The following ADAM32 variants were observed in gnomAD, a reference collection of about 807,000 sequenced individuals.
ADAM32 encodes the protein disintegrin and metalloproteinase domain-containing protein 32.
ADAM32 carries 89 observed loss-of-function variants against 114.9 expected under a neutral mutation model. The ratio of observed to expected loss-of-function variants is 0.77; its 90% CI spans 0.65 to 0.92. The LOEUF (loss-of-function observed/expected upper bound fraction) is 0.92. ADAM32 is among the 40% of genes least tolerant of loss of function. ADAM32 has a pLI of 0.00. For missense variants in ADAM32, 870 were observed against 932.8 expected (o/e 0.93, Z 0.88); for synonymous variants, 285 against 307.5 (o/e 0.93, Z 0.77).
In ADAM32 at chr8:39,107,820, G is replaced by A; in HGVS notation, c.45G>A (p.Leu15=). The A allele has an allele frequency of 6.5e-7, 1 of 1,547,518 alleles. No individual in the cohort carries two copies. Among genetic ancestry groups the A allele is most frequent in the Non-Finnish European group, 8.7e-7 (1 of 1,145,444 alleles). ...TGCTGGCCGGGCTCTGCGGCCTCCT[G>A]GCGTCAAGACCCGGTGAGCCAGCCC... ...WLLLAGLCGL[L]ASRPGFQNSL... Residue 15 remains leucine, a synonymous_variant, in exon 1 of 25, where the codon CTG becomes CTA. Coordinates refer to ENST00000379907, the MANE Select transcript of ADAM32 (RefSeq NM_145004.7).
chr8:39,179,872 G>A (rs1286587409), intron 10 of ADAM32, among the ~76,000 whole-genome samples: 1 of 152,204 alleles, frequency 6.6e-6, no homozygotes, highest in East Asian at 1.9e-4. Flanking sequence ...GACTGTAGCT[G>A]CCTCTAATCA....
intron 10 of ADAM32, among the ~76,000 whole-genome samples, chr8:39,183,407 A>G (rs1806035903): frequency 6.6e-6 from 1 of 151,942 alleles, no homozygotes; most frequent in Non-Finnish European, 1.5e-5. Flanking sequence ...CATACCAGAA[A>G]CCTTAGGCCC....
intron 12 of ADAM32, among the ~76,000 whole-genome samples, chr8:39,212,696 T>A (rs1808309987): frequency 6.6e-6 from 1 of 152,206 alleles, no homozygotes. Flanking sequence ...TATATCACAA[T>A]CTGTTTTAAC....
rs764681125 is a variant in ADAM32, at chr8:39,246,189, G to A, written c.1902+23G>A. On this transcript the variant is annotated intron_variant, in intron 17 of 24. Transcript: ENST00000379907. The stretch of plus-strand genomic sequence containing the variant: ...GGAGTAAGTAACCACATGTTTCCCT[G>A]AATCACATTTCTTGGACACTTTTTT... 1.7e-5 allele frequency: 27 copies of A among 1,598,992 alleles called. No individual in the cohort carries two copies. The Admixed American group carries it at 4.5e-4, about 27-fold the overall frequency.
Position 39,176,452 on chromosome 8 carries a change from TC to T in ADAM32, c.915+6457del, listed in dbSNP as rs535217564. Among the ~76,000 whole-genome samples, 401 of 152,272 alleles carry T rather than the reference TC, an allele frequency of 2.6e-3. 1 individual carries two copies. Among genetic ancestry groups the T allele is most frequent in the Middle Eastern group, 0.017 (5 of 294 alleles). On this transcript the variant is annotated intron_variant, in intron 10 of 24. Coordinates refer to ENST00000379907, the MANE Select transcript of ADAM32 (RefSeq NM_145004.7). ...CTTAATTTCATTATTTACCCAGGAG[TC>T]CTTTGGGAGCAGGTTGTTCAATGCT...
At chr8:39,225,557 G>A (rs1809303163) in intron 14 of ADAM32, among the ~76,000 whole-genome samples, 1 of 152,116 alleles carries the variant, frequency 6.6e-6, no homozygotes, top group African/African-American at 2.4e-5. Flanking sequence ...TGACCTCCCT[G>A]GTGGGAGAAA....
At chr8:39,116,722 T>A (rs1483018957) in intron 1 of ADAM32, among the ~76,000 whole-genome samples, 2 of 152,146 alleles carry the variant, frequency 1.3e-5, no homozygotes, top group Admixed American at 1.3e-4. Flanking sequence ...TTCGGATGCC[T>A]TTTATTTCTT....
chr8:39,179,344 C>G (rs1805709744), intron 10 of ADAM32, among the ~76,000 whole-genome samples: 1 of 152,202 alleles, frequency 6.6e-6, no homozygotes, highest in Non-Finnish European at 1.5e-5. Context: ...GCTCGAATTC[C>G]AAGCCAGTGG....
chr8:39,172,289 A>G (rs951239617), intron 10 of ADAM32, among the ~76,000 whole-genome samples: 12 of 152,130 alleles, frequency 7.9e-5, no homozygotes, highest in African/African-American at 2.9e-4. Flanking sequence ...GTGTATATGA[A>G]TTGCAAACAT....
chr8:39,239,042 C>T (rs182467932), intron 16 of ADAM32, among the ~76,000 whole-genome samples: 27 of 152,158 alleles, frequency 1.8e-4, no homozygotes, highest in African/African-American at 6.3e-4. Flanking sequence ...CTAGAGATCT[C>T]GACTTCCAAA....
chr8:39,144,839 G>C (rs1047538504), intron 3 of ADAM32, among the ~76,000 whole-genome samples: 6 of 152,124 alleles, frequency 3.9e-5, no homozygotes, highest in Non-Finnish European at 7.4e-5. Context: ...TGAATAAAAG[G>C]CATCCTAATG....
chr8:39,151,691 T>TC (rs1803844249), intron 6 of ADAM32, 143 bp downstream of exon 6: 12 of 632,862 alleles, frequency 1.9e-5, no homozygotes, highest in East Asian at 1.0e-4. Context: ...TTTTTTTTTT[T>TC]CTCACTCTCT....
rs149349258 is a variant in ADAM32, at chr8:39,126,205, A to T, written c.138+8040A>T. On this transcript the variant is annotated intron_variant, in intron 2 of 24. Coordinates refer to ENST00000379907, the MANE Select transcript of ADAM32 (RefSeq NM_145004.7). Reference sequence around the variant, plus strand: ...TAAAATAGTTTTTCTAATTCTATGAAGAATGTCAATGGTAGTGTAATGGAA... The same window carrying T: ...TAAAATAGTTTTTCTAATTCTATGATGAATGTCAATGGTAGTGTAATGGAA... Among the ~76,000 whole-genome samples, 31 of 152,336 alleles carry T rather than the reference A, an allele frequency of 2.0e-4. No homozygotes were observed. The East Asian group carries it at 6.0e-3, about 29-fold the overall frequency.
intron 10 of ADAM32, among the ~76,000 whole-genome samples, chr8:39,185,767 C>T (rs1337580004): frequency 6.6e-6 from 1 of 152,136 alleles, no homozygotes; most frequent in African/African-American, 2.4e-5. Flanking sequence ...TATCCCCTTC[C>T]AGAGCAGTAC....
intron 2 of ADAM32, among the ~76,000 whole-genome samples, chr8:39,127,687 C>A (rs1357531023): frequency 6.6e-6 from 1 of 151,922 alleles, no homozygotes; most frequent in Non-Finnish European, 1.5e-5. Flanking sequence ...TTCAGTTCTG[C>A]CCTGATTTTG....
chr8:39,255,239 T>C (rs1043311325), intron 18 of ADAM32, among the ~76,000 whole-genome samples: 1 of 151,996 alleles, frequency 6.6e-6, no homozygotes, highest in Non-Finnish European at 1.5e-5. Context: ...TCTGGGTAGA[T>C]TTCCAATAGT....
intron 3 of ADAM32, among the ~76,000 whole-genome samples, chr8:39,143,224 A>C (rs1585391252): frequency 6.6e-6 from 1 of 152,134 alleles, no homozygotes. Flanking sequence ...CGTCAAACTC[A>C]TTCTCCGTCC....
At chr8:39,195,115 C>G (rs944999526) in intron 11 of ADAM32, among the ~76,000 whole-genome samples, 1 of 152,290 alleles carries the variant, frequency 6.6e-6, no homozygotes, top group African/African-American at 2.4e-5. Flanking sequence ...CTTCCTCCCC[C>G]TTCAGCCCAG....
At chr8:39,112,108 C>A (rs1251029569) in intron 1 of ADAM32, among the ~76,000 whole-genome samples, 1 of 151,992 alleles carries the variant, frequency 6.6e-6, no homozygotes, top group Non-Finnish European at 1.5e-5. Flanking sequence ...ACCATCTTTC[C>A]TGATTGTCAA....
Sources: allele counts gnomAD v4.1 joint callset (sites outside exome capture counted in the v4.1 genomes callset), GRCh38; gene constraint gnomAD v4.1.1; transcripts MANE v1.5; gene names NCBI Gene and HGNC (gene_info 2026-07-23, HGNC 2026-07-21).